The following CERS6 variants were observed in gnomAD, a reference collection of about 807,000 sequenced individuals.
CERS6 encodes the protein ceramide synthase 6.
In CERS6, 26 loss-of-function variants were observed where a neutral mutation model predicts 56.8. The ratio of observed to expected loss-of-function variants is 0.46; its 90% CI spans 0.34 to 0.63. CERS6 has a LOEUF of 0.63. Ranked by LOEUF, CERS6 falls within the 30% of genes least tolerant of loss-of-function variation. CERS6 has a pLI of 0.01. For synonymous variants in CERS6, 164 were observed against 173.3 expected (o/e 0.95, Z 0.42); for missense variants, 415 against 467.5 (o/e 0.89, Z 1.04).
intron 1 of CERS6, among the ~76,000 whole-genome samples, chr2:168,463,317 T>A (rs1209683745): frequency 2.0e-5 from 3 of 152,254 alleles, no homozygotes; most frequent in African/African-American, 7.2e-5. Context: ...ATACTTTCCA[T>A]GTAATTGAAC....
chr2:168,725,954 A>G (rs1184494347), intron 8 of CERS6, among the ~76,000 whole-genome samples: 1 of 152,188 alleles, frequency 6.6e-6, no homozygotes, highest in Non-Finnish European at 1.5e-5. Flanking sequence ...ATTTTCATTG[A>G]TCTGCATCTC....
intron 1 of CERS6, among the ~76,000 whole-genome samples, chr2:168,473,678 A>T (rs1008800697): frequency 6.6e-6 from 1 of 152,174 alleles, no homozygotes; most frequent in Non-Finnish European, 1.5e-5. Flanking sequence ...TATTTTAAAA[A>T]TTACTAATGA....
At chr2:168,604,404 TG>T (rs1684004258) in intron 3 of CERS6, among the ~76,000 whole-genome samples, 1 of 152,136 alleles carries the variant, frequency 6.6e-6, no homozygotes, top group African/African-American at 2.4e-5. Flanking sequence ...TGTGTGTGTG[TG>T]TGTGTAGGTC....
rs142640180 is a variant in CERS6 at position 168,540,980 on chromosome 2, T to C, written c.171-6616T>C. 3.4e-4 allele frequency among the ~76,000 whole-genome samples: 52 copies of C among 152,350 alleles called. 1 individual carries two copies. The East Asian group carries it at 6.0e-3, about 18-fold the overall frequency. The stretch of plus-strand genomic sequence containing the variant: ...AAGAACATGTTTATTTAGCACATGA[T>C]TCTGATGACTGAAAAGTTCAAGATT... On this transcript the variant is annotated intron_variant, in intron 1 of 9. Coordinates refer to ENST00000305747, the MANE Select transcript of CERS6 (RefSeq NM_203463.3).
intron 2 of CERS6, among the ~76,000 whole-genome samples, chr2:168,556,599 C>G (rs1299483686): frequency 6.6e-6 from 1 of 152,036 alleles, no homozygotes; most frequent in Non-Finnish European, 1.5e-5. Context: ...GGTGACAAAA[C>G]TATTGCTATT....
intron 3 of CERS6, among the ~76,000 whole-genome samples, chr2:168,584,906 T>C (rs1252779294): frequency 6.6e-6 from 1 of 152,262 alleles, no homozygotes; most frequent in South Asian, 2.1e-4. Context: ...GTAGAAAATA[T>C]GTAAGTGAAT....
At chr2:168,566,997 C>T (rs893716311) in intron 3 of CERS6, among the ~76,000 whole-genome samples, 1 of 152,136 alleles carries the variant, frequency 6.6e-6, no homozygotes, top group African/African-American at 2.4e-5. Flanking sequence ...GAATAAGAAA[C>T]TATTATCTTC....
intron 8 of CERS6, among the ~76,000 whole-genome samples, chr2:168,744,195 C>G (rs568224113): frequency 6.6e-6 from 1 of 151,506 alleles, no homozygotes; most frequent in Non-Finnish European, 1.5e-5. Context: ...TTAGTAGAGA[C>G]GGGGTTTCAC....
Position 168,630,108 on chromosome 2 carries a change from G to A in CERS6, c.408-877G>A, listed in dbSNP as rs113998786. ...TGGGATTACAGGTGTGAGCCAACAC[G>A]CCCAGCCCTTAACTATTATACTACA... On this transcript the variant is annotated intron_variant, in intron 3 of 9. Transcript: ENST00000305747. Among the ~76,000 whole-genome samples the A allele has an allele frequency of 4.4e-3, 665 of 151,922 alleles. 8 individuals are homozygous for A. The highest frequency in any genetic ancestry group is 0.015 in the African/African-American group (627 of 41,452).
intron 1 of CERS6, among the ~76,000 whole-genome samples, chr2:168,510,501 G>T (rs1055307580): frequency 2.0e-5 from 3 of 152,212 alleles, no homozygotes; most frequent in African/African-American, 7.2e-5. Context: ...TAGACGTGTA[G>T]TGGACGATAC....
rs552815852 is a variant in CERS6, at chr2:168,656,310, T to C, written c.465+25268T>C. On this transcript the variant is annotated intron_variant, in intron 4 of 9. Transcript: ENST00000305747. ...TATAAATTTTTTGGTGAAAGTTTTG[T>C]AGCTTTTAACTGATGTGGTATGTGA... Among the ~76,000 whole-genome samples the C allele has an allele frequency of 4.6e-5, 7 of 152,360 alleles. No individual in the cohort carries two copies. The East Asian group carries it at 1.2e-3, about 25-fold the overall frequency.
chr2:168,487,689 C>G (rs759981447), intron 1 of CERS6, among the ~76,000 whole-genome samples: 3 of 152,086 alleles, frequency 2.0e-5, no homozygotes, highest in Non-Finnish European at 4.4e-5. Context: ...TTAGTATTCT[C>G]TAAACCACAT....
intron 3 of CERS6, among the ~76,000 whole-genome samples, chr2:168,618,992 C>T (rs995349821): frequency 6.6e-6 from 1 of 152,154 alleles, no homozygotes; most frequent in Non-Finnish European, 1.5e-5. Context: ...ACCAAAACAG[C>T]ATGGTACTGG....
intron 4 of CERS6, among the ~76,000 whole-genome samples, chr2:168,631,505 AAT>A (rs1168724585): frequency 3.9e-5 from 2 of 51,412 alleles, no homozygotes; most frequent in South Asian, 6.6e-4. Context: ...ATATTAATAT[AAT>A]ATATATAAAC....
chr2:168,500,435 A>G (rs1336516931), intron 1 of CERS6, among the ~76,000 whole-genome samples: 1 of 152,240 alleles, frequency 6.6e-6, no homozygotes, highest in Non-Finnish European at 1.5e-5. Context: ...GGAAAAGTCC[A>G]TGATGGATAT....
chr2:168,763,209 A>C (rs1574228860), intron 8 of CERS6, among the ~76,000 whole-genome samples: 1 of 140,786 alleles, frequency 7.1e-6, no homozygotes, highest in Admixed American at 7.1e-5. Context: ...CTCTTATTCC[A>C]GCTGCAATAA....
At chr2:168,458,596 T>C (rs1435027811) in intron 1 of CERS6, among the ~76,000 whole-genome samples, 1 of 152,224 alleles carries the variant, frequency 6.6e-6, no homozygotes, top group Non-Finnish European at 1.5e-5. Context: ...TCACAGCAAA[T>C]GTCCTCATAT....
intron 8 of CERS6, among the ~76,000 whole-genome samples, chr2:168,749,698 G>A (rs936871261): frequency 2.6e-5 from 4 of 152,022 alleles, no homozygotes; most frequent in Non-Finnish European, 5.9e-5. Flanking sequence ...GTGATACCTC[G>A]ACTTAGGAGA....
chr2:168,614,766 C>G (rs1318409736), intron 3 of CERS6, among the ~76,000 whole-genome samples: 1 of 152,136 alleles, frequency 6.6e-6, no homozygotes, highest in African/African-American at 2.4e-5. Context: ...TTGCCCCAAC[C>G]TGATGGTCCT....
Sources: gnomAD v4.1 joint callset for allele counts (sites outside exome capture counted in the v4.1 genomes callset) on GRCh38, gnomAD v4.1.1 for gene constraint, MANE v1.5 for transcripts, NCBI Gene and HGNC (gene_info 2026-07-23, HGNC 2026-07-21) for gene names.